The following PRKCA variants were observed in gnomAD, a reference collection of about 807,000 sequenced individuals.
The protein encoded by PRKCA is protein kinase C alpha type.
A neutral mutation model predicts 87.0 loss-of-function variants in PRKCA; 27 were observed. The ratio of observed to expected loss-of-function variants is 0.31; its 90% CI spans 0.23 to 0.43. PRKCA has a LOEUF of 0.43. Among genes scored for constraint, PRKCA ranks in the 20% least tolerant of loss-of-function variants. The pLI is 1.00. For missense variants in PRKCA, 518 were observed against 852.3 expected (o/e 0.61, Z 4.88); for synonymous variants, 329 against 311.1 (o/e 1.06, Z -0.61).
chr17:66,477,264 A>G (rs896381685), intron 2 of PRKCA, among the ~76,000 whole-genome samples: 3 of 152,240 alleles, frequency 2.0e-5, no homozygotes, highest in Non-Finnish European at 4.4e-5. Flanking sequence ...AAGAAAAATT[A>G]TTTAAAATTT....
chr17:66,765,496 TTA>T (rs57374804), intron 13 of PRKCA, among the ~76,000 whole-genome samples: 3 of 136,130 alleles, frequency 2.2e-5, no homozygotes, highest in Non-Finnish European at 4.7e-5. Flanking sequence ...ATATTTGTCT[TTA>T]TATATATATG....
At chr17:66,653,216 A>G (rs72845981) in intron 5 of PRKCA, among the ~76,000 whole-genome samples, 7 of 152,228 alleles carry the variant, frequency 4.6e-5, no homozygotes, top group Admixed American at 2.0e-4. Flanking sequence ...CTTGTATATG[A>G]CCCCCATTTT....
chr17:66,768,268 G>GT (rs59437256), intron 13 of PRKCA, among the ~76,000 whole-genome samples: 1 of 141,394 alleles, frequency 7.1e-6, no homozygotes. Flanking sequence ...TTTTGGGGGG[G>GT]AGAGATTAGG....
In PRKCA at chr17:66,805,277, ATGAATTT is replaced by A; in HGVS notation, c.*1243_*1249del. ...ATACGTTTTGCAAATGCATCATGCA[ATGAATTT>A]TGCATGTTTATAATAAACCTTAATA... On this transcript the variant is annotated 3_prime_UTR_variant, in exon 17 of 17. Coordinates refer to ENST00000413366, the MANE Select transcript of PRKCA (RefSeq NM_002737.3). 1 of 367,480 alleles carries A rather than the reference ATGAATTT, an allele frequency of 2.7e-6. No individual in the cohort carries two copies. Among genetic ancestry groups the A allele is most frequent in the African/African-American group, 2.2e-5 (1 of 45,390 alleles). 22.8% of individuals were successfully genotyped at this position (367,480 alleles called of 1,614,324 possible). A position where few individuals can be genotyped will look rare whatever the true frequency, so the allele number is the denominator to read the frequency against.
intron 3 of PRKCA, among the ~76,000 whole-genome samples, chr17:66,515,831 C>T (rs1966951871): frequency 2.0e-5 from 3 of 152,220 alleles, no homozygotes. Flanking sequence ...AGGTGTGAGT[C>T]ACCATGCCCA....
intron 14 of PRKCA, among the ~76,000 whole-genome samples, chr17:66,784,589 C>T (rs1489160361): frequency 1.3e-5 from 2 of 152,214 alleles, no homozygotes; most frequent in East Asian, 3.9e-4. Context: ...CGCCAAAACT[C>T]AGCCAGGTTT....
At chr17:66,789,800 T>C (rs1470582118) in intron 16 of PRKCA, among the ~76,000 whole-genome samples, 2 of 152,230 alleles carry the variant, frequency 1.3e-5, no homozygotes, top group African/African-American at 4.8e-5. Flanking sequence ...ACGCTGATGC[T>C]GTGGGCCCTA....
chr17:66,401,248 C>T (rs1307762753), intron 2 of PRKCA, among the ~76,000 whole-genome samples: 1 of 152,172 alleles, frequency 6.6e-6, no homozygotes, highest in African/African-American at 2.4e-5. Context: ...ACCAGGTCAG[C>T]TTGTGACGTG....
intron 2 of PRKCA, among the ~76,000 whole-genome samples, chr17:66,452,229 C>T (rs1914363483): frequency 6.6e-6 from 1 of 152,146 alleles, no homozygotes. Context: ...ATTTGGGTGC[C>T]TATGATGACC....
chr17:66,510,052 A>G (rs1384773916), intron 3 of PRKCA, among the ~76,000 whole-genome samples: 1 of 152,158 alleles, frequency 6.6e-6, no homozygotes, highest in Non-Finnish European at 1.5e-5. Context: ...ACCTGAAGCC[A>G]TGTTTTTTAG....
Position 66,302,827 on chromosome 17 carries a change from A to C in PRKCA, c.-25A>C. The C allele has an allele frequency of 1.7e-6, 2 of 1,152,254 alleles. No individual in the cohort carries two copies. Among genetic ancestry groups the C allele is most frequent in the Non-Finnish European group, 1.2e-6 (1 of 852,112 alleles). The allele number at this position is 1,152,254 out of a possible 1,614,324, so 71.4% of individuals were successfully genotyped here. A position where few individuals can be genotyped will look rare whatever the true frequency, so the allele number is the denominator to read the frequency against. On this transcript the variant is annotated 5_prime_UTR_variant, in exon 1 of 17. Transcript: ENST00000413366. ...CTCCGCGGCCGCAGCTCCCCGGCGG[A>C]GGCAAGAGGTGGTTGGGGGGGACCA...
chr17:66,796,316 C>A, intron 16 of PRKCA: 1 of 416,548 alleles, frequency 2.4e-6, no homozygotes, highest in Non-Finnish European at 3.2e-6. Context: ...AGCAATGTAT[C>A]CGACAGGTGT....
rs776379613 is a variant in PRKCA at position 66,314,832 on chromosome 17, C to T, written c.205+8705C>T. 7.4e-4 allele frequency among the ~76,000 whole-genome samples: 111 copies of T among 149,792 alleles called. 2 individuals are homozygous for T. The highest frequency in any genetic ancestry group is 2.3e-3 in the African/African-American group (94 of 40,652). Reference sequence around the variant, plus strand: ...ACTGGTAGTTTTGAGTTAATCTCTACGATAGAATTTCTTTCTCTCTCTCTC... The same window carrying T: ...ACTGGTAGTTTTGAGTTAATCTCTATGATAGAATTTCTTTCTCTCTCTCTC... On this transcript the variant is annotated intron_variant, in intron 2 of 16. Coordinates refer to ENST00000413366, the MANE Select transcript of PRKCA (RefSeq NM_002737.3).
At chr17:66,776,290 C>A (rs1975046238) in intron 14 of PRKCA, among the ~76,000 whole-genome samples, 1 of 152,064 alleles carries the variant, frequency 6.6e-6, no homozygotes, top group South Asian at 2.1e-4. Flanking sequence ...AGAGTGAGAG[C>A]CTAAGACAAG....
At chr17:66,504,714 C>T (rs961918685) in intron 3 of PRKCA, among the ~76,000 whole-genome samples, 3 of 152,144 alleles carry the variant, frequency 2.0e-5, no homozygotes, top group Non-Finnish European at 2.9e-5. Context: ...GCAGGAAGAG[C>T]TTCATAAAGA....
chr17:66,795,365 T>C (rs1975641459), intron 16 of PRKCA, among the ~76,000 whole-genome samples: 1 of 152,162 alleles, frequency 6.6e-6, no homozygotes, highest in Non-Finnish European at 1.5e-5. Context: ...CCAATTAAAA[T>C]TGAGATCTCA....
chr17:66,657,331 G>A (rs1318166863), intron 5 of PRKCA, among the ~76,000 whole-genome samples: 2 of 152,310 alleles, frequency 1.3e-5, no homozygotes, highest in Middle Eastern at 3.4e-3. Context: ...AAAGAAGAGA[G>A]AATAGAAGCA....
chr17:66,396,531 G>A (rs150009657), intron 2 of PRKCA, among the ~76,000 whole-genome samples: 2 of 151,290 alleles, frequency 1.3e-5, no homozygotes, highest in Admixed American at 6.6e-5. Context: ...TTTTACACTT[G>A]TCATGTGTAT....
intron 3 of PRKCA, among the ~76,000 whole-genome samples, chr17:66,549,562 G>A (rs371115863): frequency 2.9e-4 from 44 of 152,268 alleles, no homozygotes; most frequent in African/African-American, 1.1e-3. Flanking sequence ...CTTTTAATCA[G>A]CACTTTAAAG....
Sources: allele counts gnomAD v4.1 joint callset (sites outside exome capture counted in the v4.1 genomes callset), GRCh38; gene constraint gnomAD v4.1.1; transcripts MANE v1.5; gene names NCBI Gene and HGNC (gene_info 2026-07-23, HGNC 2026-07-21).